Variants in MECOM observed in about 807,000 individuals in gnomAD.
The protein encoded by MECOM is histone-lysine N-methyltransferase MECOM.
MECOM carries 13 observed loss-of-function variants against 116.3 expected under a neutral mutation model. That is an observed-to-expected ratio of 0.11 (90% CI 0.07 to 0.18). MECOM has a LOEUF of 0.18. Ranked by LOEUF, MECOM falls within the 10% of genes least tolerant of loss-of-function variation. The pLI, the probability that MECOM is intolerant of heterozygous loss-of-function variation, is 1.00. For synonymous variants in MECOM, 528 were observed against 535.2 expected, an observed-to-expected ratio of 0.99 and a Z score of 0.19; for missense variants, 1,299 against 1,509.0, an observed-to-expected ratio of 0.86 and a Z score of 2.31.
intron 1 of MECOM, among the ~76,000 whole-genome samples, chr3:169,577,059 T>C (rs1764602001): frequency 6.6e-6 from 1 of 152,204 alleles, no homozygotes; most frequent in Non-Finnish European, 1.5e-5. Flanking sequence ...TTTCTGAGTC[T>C]GAATCCTGGT....
intron 1 of MECOM, among the ~76,000 whole-genome samples, chr3:169,510,032 C>T (rs1030119931): frequency 2.6e-5 from 4 of 152,334 alleles, no homozygotes; most frequent in South Asian, 2.1e-4. Context: ...CATGTTAAAC[C>T]AAAATCCTCT....
intron 2 of MECOM, among the ~76,000 whole-genome samples, chr3:169,308,000 C>T (rs905558790): frequency 6.6e-6 from 1 of 152,208 alleles, no homozygotes; most frequent in Non-Finnish European, 1.5e-5. Context: ...TATTTACCCA[C>T]ACTATTTACT....
intron 1 of MECOM, chr3:169,565,982 TG>T: frequency 2.3e-6 from 1 of 441,512 alleles, no homozygotes; most frequent in Non-Finnish European, 4.5e-6. Context: ...TCTGTGTGGC[TG>T]GGGAGGCCTC....
intron 2 of MECOM, among the ~76,000 whole-genome samples, chr3:169,181,883 G>A (rs1250907143): frequency 6.6e-6 from 1 of 152,194 alleles, no homozygotes; most frequent in African/African-American, 2.4e-5. Context: ...TTAAGCCTCA[G>A]CTTTCTCATC....
At chr3:169,110,987 CTT>C (rs1340785791) in intron 9 of MECOM, among the ~76,000 whole-genome samples, 1 of 152,162 alleles carries the variant, frequency 6.6e-6, no homozygotes, top group Non-Finnish European at 1.5e-5. Context: ...TATTTGCTCT[CTT>C]ATGATTTTAT....
In MECOM at chr3:169,460,893, G is replaced by A. The variant is rs558087571; in HGVS notation, c.38-79369C>T. On this transcript the variant is annotated intron_variant, in intron 1 of 16. Coordinates refer to ENST00000651503, the MANE Select transcript of MECOM (RefSeq NM_004991.4). ...AAGGGGAACCAATTAATTTACGGGA[G>A]AGTCCAAGATATATGGGAGATCATG... Among the ~76,000 whole-genome samples, 4 of 152,296 alleles carry A rather than the reference G, an allele frequency of 2.6e-5. No individual in the cohort carries two copies. The South Asian group carries it at 6.2e-4, about 24-fold the overall frequency.
intron 15 of MECOM, among the ~76,000 whole-genome samples, chr3:169,089,625 G>A (rs9826964): frequency 0.11 from 16,546 of 151,860 alleles, 2,003 homozygotes; most frequent in African/African-American, 0.3. Context: ...CTGAAGTGAA[G>A]TTTATCTCAA....
chr3:169,609,334 G>A (rs1032582844), intron 1 of MECOM, among the ~76,000 whole-genome samples: 11 of 152,238 alleles, frequency 7.2e-5, no homozygotes, highest in Non-Finnish European at 1.5e-4. Flanking sequence ...TATTTCATGA[G>A]GACCATATGT....
At chr3:169,558,677 A>G (rs890656706) in intron 1 of MECOM, among the ~76,000 whole-genome samples, 1 of 152,180 alleles carries the variant, frequency 6.6e-6, no homozygotes, top group Non-Finnish European at 1.5e-5. Context: ...GCCTTTTGAC[A>G]GTTTTCAATA....
chr3:169,344,363 T>C (rs1341476577), intron 2 of MECOM, among the ~76,000 whole-genome samples: 3 of 152,182 alleles, frequency 2.0e-5, no homozygotes, highest in African/African-American at 7.2e-5. Context: ...TCTCTATATT[T>C]TGAAAAAAAC....
intron 1 of MECOM, chr3:169,470,262 A>G (rs540932006): frequency 1.3e-5 from 2 of 152,348 alleles, no homozygotes; most frequent in African/African-American, 4.8e-5. Flanking sequence ...AGAAAAGGCC[A>G]GGGGAAAAAA....
intron 1 of MECOM, among the ~76,000 whole-genome samples, chr3:169,397,391 G>A (rs1293050490): frequency 1.3e-5 from 2 of 152,162 alleles, no homozygotes; most frequent in Non-Finnish European, 2.9e-5. Context: ...AATGATAGAC[G>A]ATGAAAACCT....
chr3:169,121,242 A>G, intron 6 of MECOM, 33 bp from the exon 7 acceptor site: 2 of 1,555,456 alleles, frequency 1.3e-6, no homozygotes, highest in Non-Finnish European at 1.7e-6. Context: ...TAATCAAGAA[A>G]CTTAACTCAA....
intron 1 of MECOM, chr3:169,477,103 GTGTATA>G (rs1279772332): frequency 2.0e-3 from 115 of 56,232 alleles, no homozygotes; most frequent in East Asian, 3.2e-3. Flanking sequence ...GTGTGTGTGT[GTGTATA>G]TATATATATA....
chr3:169,182,687 T>A (rs1402514230), intron 2 of MECOM, among the ~76,000 whole-genome samples: 1 of 152,214 alleles, frequency 6.6e-6, no homozygotes, highest in Non-Finnish European at 1.5e-5. Flanking sequence ...CAAGGCCCAG[T>A]TGGCTATCTG....
chr3:169,424,792 TTATGTTC>T (rs1740357339), intron 1 of MECOM, among the ~76,000 whole-genome samples: 1 of 152,160 alleles, frequency 6.6e-6, no homozygotes, highest in African/African-American at 2.4e-5. Context: ...CAGAGGCATT[TTATGTTC>T]TATTTTCCTG....
chr3:169,505,578 CAT>C (rs1163743783), intron 1 of MECOM, among the ~76,000 whole-genome samples: 2 of 152,036 alleles, frequency 1.3e-5, no homozygotes, highest in African/African-American at 4.8e-5. Flanking sequence ...CGTGCACACA[CAT>C]GGTGAGAACA....
chr3:169,392,514 T>C (rs1471328515), intron 1 of MECOM, among the ~76,000 whole-genome samples: 1 of 152,146 alleles, frequency 6.6e-6, no homozygotes, highest in Non-Finnish European at 1.5e-5. Context: ...ATTTATTCAA[T>C]AAATACCACG....
chr3:169,478,082 C>G lies in MECOM; in HGVS notation c.38-96558G>C, dbSNP rs78873505. Among the ~76,000 whole-genome samples the G allele has an allele frequency of 0.014, 2,194 of 152,220 alleles. 165 individuals carry two copies. The East Asian group carries it at 0.24, about 17-fold the overall frequency. ...CTGAGAATGAAAGACAGGGAAGGAG[C>G]AGATAATGAAATTCAGGGATGACAA... is the stretch of plus-strand genomic sequence containing the variant. On this transcript the variant is annotated intron_variant, in intron 1 of 16. Transcript: ENST00000651503.
Sources: gnomAD v4.1 joint callset for allele counts (sites outside exome capture counted in the v4.1 genomes callset) on GRCh38, gnomAD v4.1.1 for gene constraint, MANE v1.5 for transcripts, NCBI Gene and HGNC (gene_info 2026-07-23, HGNC 2026-07-21) for gene names.